CTIF: variants seen among roughly 807,000 people sequenced by gnomAD.
The protein encoded by CTIF is CBP80/20-dependent translation initiation factor.
Under a neutral mutation model 66.0 loss-of-function variants are expected in CTIF, and 21 were observed. That is an observed-to-expected ratio of 0.32 (90% CI 0.23 to 0.46). The LOEUF (loss-of-function observed/expected upper bound fraction) is 0.46. Among genes scored for constraint, CTIF ranks in the 20% least tolerant of loss-of-function variants. CTIF has a pLI of 1.00. For synonymous variants in CTIF, 345 were observed against 326.4 expected (o/e 1.06, Z -0.62); for missense variants, 739 against 812.7 (o/e 0.91, Z 1.10).
intron 9 of CTIF, among the ~76,000 whole-genome samples, chr18:48,772,267 G>A (rs1346697992): frequency 3.9e-4 from 59 of 152,194 alleles, no homozygotes; most frequent in Admixed American, 3.9e-3. Flanking sequence ...GGGCAGGACA[G>A]CTTTGTTACT....
intron 7 of CTIF, among the ~76,000 whole-genome samples, chr18:48,723,676 T>C (rs2092361738): frequency 6.6e-6 from 1 of 152,172 alleles, no homozygotes; most frequent in Admixed American, 6.5e-5. Flanking sequence ...ACCCAGAGCA[T>C]GAGGGTGCCT....
chr18:48,592,190 C>T (rs761087390), intron 1 of CTIF, among the ~76,000 whole-genome samples: 1 of 151,756 alleles, frequency 6.6e-6, no homozygotes, highest in Non-Finnish European at 1.5e-5. Flanking sequence ...ACCCCAGCTT[C>T]CTGGGTTGGT....
intron 9 of CTIF, among the ~76,000 whole-genome samples, chr18:48,785,074 A>AG (rs1911583454): frequency 6.6e-6 from 1 of 152,226 alleles, no homozygotes. Flanking sequence ...AACAGGCACT[A>AG]GGGTGAATTT....
chr18:48,568,597 A>G (rs1323222816), intron 1 of CTIF, among the ~76,000 whole-genome samples: 1 of 136,848 alleles, frequency 7.3e-6, no homozygotes, highest in African/African-American at 2.9e-5. Context: ...CCATTTTTAT[A>G]TCACTATGAA....
intron 1 of CTIF, among the ~76,000 whole-genome samples, chr18:48,546,967 T>C (rs2088766422): frequency 6.6e-6 from 1 of 152,130 alleles, no homozygotes; most frequent in South Asian, 2.1e-4. Context: ...ATGTAAAGAC[T>C]TGGGGGCCAG....
intron 9 of CTIF, among the ~76,000 whole-genome samples, chr18:48,791,819 A>C (rs561156067): frequency 2.6e-5 from 4 of 152,144 alleles, no homozygotes; most frequent in Non-Finnish European, 5.9e-5. Flanking sequence ...GCTGGAGTCT[A>C]TCTGTGCCCT....
In CTIF at chr18:48,729,530, A is replaced by T. The variant is rs149762104; in HGVS notation, c.584+17835A>T. ...GTGGTCTGGGAGGCAGTAGGATGAG[A>T]GCTGGCGTCCCCATGAGAAGAGTGA... On this transcript the variant is annotated intron_variant, in intron 7 of 11. Transcript: ENST00000256413. 9.9e-3 allele frequency among the ~76,000 whole-genome samples: 1,502 copies of T among 152,270 alleles called. 15 individuals carry two copies. The highest frequency in any genetic ancestry group is 0.041 in the Middle Eastern group (12 of 294).
intron 2 of CTIF, among the ~76,000 whole-genome samples, chr18:48,620,031 G>A (rs1254339125): frequency 6.6e-6 from 1 of 152,224 alleles, no homozygotes. Flanking sequence ...CTTGAGTACT[G>A]ACTATGTGCT....
intron 9 of CTIF, among the ~76,000 whole-genome samples, chr18:48,791,766 A>T (rs2067798625): frequency 1.3e-5 from 2 of 152,154 alleles, no homozygotes; most frequent in African/African-American, 4.8e-5. Flanking sequence ...CTTCTCCCAG[A>T]TTAATCTCTC....
chr18:48,702,647 A>G (rs2092099073), intron 6 of CTIF, among the ~76,000 whole-genome samples: 1 of 152,172 alleles, frequency 6.6e-6, no homozygotes, highest in South Asian at 2.1e-4. Context: ...ATGATTTTAT[A>G]TTAGAACTTC....
intron 2 of CTIF, among the ~76,000 whole-genome samples, chr18:48,632,451 C>G (rs1049022087): frequency 2.6e-5 from 4 of 152,192 alleles, no homozygotes; most frequent in Non-Finnish European, 4.4e-5. Flanking sequence ...AGATCACCCG[C>G]TTTGCCTGCT....
chr18:48,596,922 G>C (rs1298142729), intron 1 of CTIF, among the ~76,000 whole-genome samples: 1 of 152,170 alleles, frequency 6.6e-6, no homozygotes, highest in Non-Finnish European at 1.5e-5. Context: ...AGGAAGGAGA[G>C]AATGGATTTT....
intron 3 of CTIF, among the ~76,000 whole-genome samples, chr18:48,642,886 C>G (rs1389246554): frequency 3.3e-5 from 5 of 152,180 alleles, no homozygotes; most frequent in Non-Finnish European, 7.3e-5. Context: ...ATTGGCAGTT[C>G]AGTGCTCCAG....
chr18:48,816,013 C>T (rs1266304221), intron 9 of CTIF, among the ~76,000 whole-genome samples: 1 of 152,166 alleles, frequency 6.6e-6, no homozygotes, highest in East Asian at 1.9e-4. Context: ...GCTATTGAGG[C>T]TGAACAAACA....
intron 9 of CTIF, among the ~76,000 whole-genome samples, chr18:48,790,611 G>A (rs987132837): frequency 2.0e-5 from 3 of 152,222 alleles, no homozygotes; most frequent in Non-Finnish European, 2.9e-5. Context: ...CTGGACGGGC[G>A]GCCTCAACGG....
chr18:48,549,051 G>C (rs1421601489), intron 1 of CTIF, among the ~76,000 whole-genome samples: 1 of 152,182 alleles, frequency 6.6e-6, no homozygotes, highest in Non-Finnish European at 1.5e-5. Flanking sequence ...GTCCTGGGTA[G>C]GTGAGGGCTT....
At chr18:48,681,356 G>C (rs948052870) in intron 6 of CTIF, among the ~76,000 whole-genome samples, 3 of 152,218 alleles carry the variant, frequency 2.0e-5, no homozygotes, top group African/African-American at 7.2e-5. Flanking sequence ...AACCAAGTGA[G>C]TGAGTGGCCA....
At chr18:48,783,701 G>C (rs72913723) in intron 9 of CTIF, among the ~76,000 whole-genome samples, 1 of 151,912 alleles carries the variant, frequency 6.6e-6, no homozygotes, top group Admixed American at 6.6e-5. Flanking sequence ...CTATCCTCTC[G>C]GCTGGAGACA....
intron 9 of CTIF, among the ~76,000 whole-genome samples, chr18:48,813,198 C>G (rs1396594858): frequency 6.6e-6 from 1 of 152,208 alleles, no homozygotes; most frequent in African/African-American, 2.4e-5. Flanking sequence ...AATCCCAGTT[C>G]CTGTCTCACA....
Sources: allele counts gnomAD v4.1 joint callset (sites outside exome capture counted in the v4.1 genomes callset), GRCh38; gene constraint gnomAD v4.1.1; transcripts MANE v1.5; gene names NCBI Gene and HGNC (gene_info 2026-07-23, HGNC 2026-07-21).